ZBTB20: variants seen among roughly 807,000 people sequenced by gnomAD.
ZBTB20 encodes zinc finger and BTB domain containing 20.
In ZBTB20, 9 loss-of-function variants were observed where a neutral mutation model predicts 56.9. That is an observed-to-expected ratio of 0.16 (90% CI 0.10 to 0.28). The LOEUF (loss-of-function observed/expected upper bound fraction) is 0.28. Ranked by LOEUF, ZBTB20 falls within the 10% of genes least tolerant of loss-of-function variation. The pLI is 1.00. For missense variants in ZBTB20, 655 were observed against 1,003.0 expected, an observed-to-expected ratio of 0.65 and a Z score of 4.69; for synonymous variants, 417 against 420.7, an observed-to-expected ratio of 0.99 and a Z score of 0.11.
chr3:115,013,366 G>A (rs1261273373), intron 2 of ZBTB20, among the ~76,000 whole-genome samples: 11 of 151,658 alleles, frequency 7.3e-5, no homozygotes, highest in East Asian at 3.9e-4. Context: ...AACTGATACC[G>A]CAGAATTTAA....
At chr3:114,787,127 A>T (rs185518945) in intron 5 of ZBTB20, among the ~76,000 whole-genome samples, 1 of 151,734 alleles carries the variant, frequency 6.6e-6, no homozygotes, top group Admixed American at 6.6e-5. Context: ...GGTGCACATC[A>T]CCATGCCTAG....
At chr3:114,730,429 G>C (rs2065649743) in intron 5 of ZBTB20, among the ~76,000 whole-genome samples, 1 of 152,130 alleles carries the variant, frequency 6.6e-6, no homozygotes, top group African/African-American at 2.4e-5. Flanking sequence ...CAATGTTATG[G>C]GCTGATTGTG....
intron 11 of ZBTB20, among the ~76,000 whole-genome samples, 164 bp downstream of exon 11, chr3:114,350,110 T>A (rs936971217): frequency 6.6e-6 from 1 of 152,156 alleles, no homozygotes; most frequent in African/African-American, 2.4e-5. Flanking sequence ...TTTGTTCTTA[T>A]GATGGGAGGA....
intron 5 of ZBTB20, among the ~76,000 whole-genome samples, chr3:114,771,445 T>A (rs1015889043): frequency 1.3e-5 from 2 of 152,222 alleles, no homozygotes; most frequent in African/African-American, 4.8e-5. Flanking sequence ...ATTTACAATC[T>A]TATTGTCCTT....
chr3:115,119,330 C>T (rs1040976449), intron 1 of ZBTB20, among the ~76,000 whole-genome samples: 17 of 152,214 alleles, frequency 1.1e-4, no homozygotes, highest in African/African-American at 4.1e-4. Flanking sequence ...TTGTACTCAT[C>T]ACTAAAATGA....
intron 7 of ZBTB20, among the ~76,000 whole-genome samples, chr3:114,454,159 G>A (rs1360226155): frequency 7.7e-6 from 1 of 129,900 alleles, no homozygotes; most frequent in African/African-American, 2.9e-5. Flanking sequence ...GAGAGGAAGA[G>A]AGAGGAAAAG....
At chr3:114,973,852 A>AAC (rs2077988928) in intron 3 of ZBTB20, among the ~76,000 whole-genome samples, 2 of 152,236 alleles carry the variant, frequency 1.3e-5, no homozygotes, top group South Asian at 4.2e-4. Flanking sequence ...GTCTATTGTA[A>AAC]ACTTCTTGCC....
intron 2 of ZBTB20, among the ~76,000 whole-genome samples, chr3:115,010,569 G>T (rs1191365736): frequency 6.6e-6 from 1 of 151,930 alleles, no homozygotes; most frequent in Non-Finnish European, 1.5e-5. Flanking sequence ...CTATAAATCA[G>T]CAAGAACCAC....
chr3:114,562,315 C>T (rs1317837881), intron 6 of ZBTB20, among the ~76,000 whole-genome samples: 1 of 152,058 alleles, frequency 6.6e-6, no homozygotes, highest in African/African-American at 2.4e-5. Context: ...CAGACACGTG[C>T]CACCACACTC....
intron 10 of ZBTB20, among the ~76,000 whole-genome samples, chr3:114,364,651 A>G (rs1221949212): frequency 1.3e-5 from 2 of 152,244 alleles, no homozygotes. Context: ...TTACGTCTAC[A>G]GCAATACACA....
intron 1 of ZBTB20, among the ~76,000 whole-genome samples, chr3:115,084,248 T>G (rs2082902564): frequency 6.9e-6 from 1 of 144,204 alleles, no homozygotes. Context: ...GTAAATATTC[T>G]GACTTAACCA....
intron 4 of ZBTB20, among the ~76,000 whole-genome samples, chr3:114,844,493 G>A (rs978222916): frequency 5.0e-4 from 48 of 96,528 alleles, no homozygotes; most frequent in African/African-American, 1.9e-3. Flanking sequence ...TGCACTCCAG[G>A]CTGGTTGACA....
At chr3:115,124,766 G>A (rs564471530) in intron 1 of ZBTB20, among the ~76,000 whole-genome samples, 9 of 151,822 alleles carry the variant, frequency 5.9e-5, no homozygotes, top group Non-Finnish European at 2.9e-5. Context: ...AAACATAACT[G>A]GAAAACATGT....
intron 3 of ZBTB20, among the ~76,000 whole-genome samples, chr3:114,932,896 G>T (rs964714678): frequency 8.5e-5 from 13 of 152,164 alleles, no homozygotes; most frequent in African/African-American, 3.1e-4. Flanking sequence ...ATAGATTGCA[G>T]CAGAAGTGAT....
chr3:114,991,928 A>C (rs923316313), intron 2 of ZBTB20, among the ~76,000 whole-genome samples: 4 of 151,918 alleles, frequency 2.6e-5, no homozygotes, highest in East Asian at 1.9e-4. Context: ...GATTGCAACC[A>C]CTGCCTTTTT....
intron 2 of ZBTB20, among the ~76,000 whole-genome samples, chr3:115,041,944 T>A (rs2081161214): frequency 6.6e-6 from 1 of 152,126 alleles, no homozygotes; most frequent in African/African-American, 2.4e-5. Flanking sequence ...AAGTTTTCCT[T>A]TTTTAAAGAG....
intron 5 of ZBTB20, among the ~76,000 whole-genome samples, chr3:114,702,036 T>TA (rs1007833972): frequency 3.2e-4 from 49 of 151,456 alleles, no homozygotes; most frequent in African/African-American, 1.1e-3. Flanking sequence ...ACATAATGCA[T>TA]AAAAAAAAAT....
chr3:114,584,579 A>G (rs2054983069), intron 6 of ZBTB20, among the ~76,000 whole-genome samples: 1 of 151,986 alleles, frequency 6.6e-6, no homozygotes, highest in African/African-American at 2.4e-5. Context: ...CCTCTGAGGT[A>G]GTTGTTCCAC....
intron 11 of ZBTB20, among the ~76,000 whole-genome samples, chr3:114,348,896 T>C (rs2080411079): frequency 1.3e-5 from 2 of 152,158 alleles, no homozygotes; most frequent in Non-Finnish European, 2.9e-5. Context: ...AAATTATTTG[T>C]CATTTAATAA....
Sources: gnomAD v4.1 joint callset for allele counts (sites outside exome capture counted in the v4.1 genomes callset) on GRCh38, gnomAD v4.1.1 for gene constraint, MANE v1.5 for transcripts, NCBI Gene and HGNC (gene_info 2026-07-23, HGNC 2026-07-21) for gene names.